The following BBS9 variants were observed in gnomAD, a reference collection of about 807,000 sequenced individuals.
The protein encoded by BBS9 is Bardet-Biedl syndrome 9.
Under a neutral mutation model 117.7 loss-of-function variants are expected in BBS9, and 89 were observed. The observed-to-expected ratio is 0.76, with a 90% CI of 0.64 to 0.90. The LOEUF (loss-of-function observed/expected upper bound fraction) is 0.90. Ranked by LOEUF, BBS9 falls within the 40% of genes least tolerant of loss-of-function variation. The pLI, the probability that BBS9 is intolerant of heterozygous loss-of-function variation, is 0.00. For synonymous variants in BBS9, 379 were observed against 370.9 expected (o/e 1.02, Z -0.25); for missense variants, 982 against 1,042.2 (o/e 0.94, Z 0.80).
chr7:33,589,557 A>G lies in BBS9; in HGVS notation c.2522-15308A>G, dbSNP rs113794637. On this transcript the variant is annotated intron_variant, in intron 21 of 22. Transcript: ENST00000242067. ...ATATTTCAAATGTTGAAACAATAGA[A>G]TTTCCTAACAAAATGGACATGATAT... Among the ~76,000 whole-genome samples, 221 of 152,234 alleles carry G rather than the reference A, an allele frequency of 1.5e-3. 2 individuals are homozygous for G. Among genetic ancestry groups the G allele is most frequent in the African/African-American group, 5.1e-3 (214 of 41,562 alleles).
chr7:33,475,844 C>G (rs1392509933), intron 19 of BBS9, among the ~76,000 whole-genome samples: 1 of 152,132 alleles, frequency 6.6e-6, no homozygotes, highest in Non-Finnish European at 1.5e-5. Context: ...TACTGACAAT[C>G]ACATCATAAT....
intron 9 of BBS9, among the ~76,000 whole-genome samples, chr7:33,319,263 T>A (rs182743836): frequency 9.2e-5 from 14 of 152,286 alleles, no homozygotes; most frequent in Non-Finnish European, 1.5e-4. Context: ...CCATTGTATA[T>A]ATGTACCACA....
chr7:33,540,902 T>A (rs916944653), intron 21 of BBS9, among the ~76,000 whole-genome samples: 2 of 152,222 alleles, frequency 1.3e-5, no homozygotes, highest in Non-Finnish European at 2.9e-5. Context: ...ATGTTTCACC[T>A]TGTCAAAGTG....
At chr7:33,247,573 A>G (rs1795543910) in intron 5 of BBS9, among the ~76,000 whole-genome samples, 2 of 152,146 alleles carry the variant, frequency 1.3e-5, no homozygotes, top group Admixed American at 1.3e-4. Flanking sequence ...TGCAAGACCC[A>G]GTGTTCTGAA....
At chr7:33,505,826 A>G in intron 20 of BBS9, 181 bp downstream of exon 20, 1 of 661,732 alleles carries the variant, frequency 1.5e-6, no homozygotes, top group Non-Finnish European at 2.5e-6. Context: ...CTTTTTCTGT[A>G]GAGCTATTTT....
intron 20 of BBS9, among the ~76,000 whole-genome samples, chr7:33,515,015 G>A (rs1847530343): frequency 6.6e-6 from 1 of 152,058 alleles, no homozygotes; most frequent in Non-Finnish European, 1.5e-5. Context: ...AAGTAATGGT[G>A]CCTGGCATGT....
At chr7:33,583,370 C>T (rs1860329265) in intron 21 of BBS9, among the ~76,000 whole-genome samples, 1 of 152,098 alleles carries the variant, frequency 6.6e-6, no homozygotes, top group African/African-American at 2.4e-5. Context: ...TAGACTAGAT[C>T]TTCCTTTCCT....
intron 16 of BBS9, among the ~76,000 whole-genome samples, chr7:33,365,536 T>C (rs1326298818): frequency 6.6e-6 from 1 of 152,182 alleles, no homozygotes; most frequent in Non-Finnish European, 1.5e-5. Context: ...GATGCTAGGG[T>C]ACTCCCAATC....
chr7:33,447,255 A>G (rs1191478669), intron 19 of BBS9, among the ~76,000 whole-genome samples: 1 of 152,240 alleles, frequency 6.6e-6, no homozygotes, highest in African/African-American at 2.4e-5. Context: ...TGATATCACA[A>G]CAAGAGGCTT....
chr7:33,162,441 T>C (rs1284242283), intron 4 of BBS9, among the ~76,000 whole-genome samples: 1 of 152,230 alleles, frequency 6.6e-6, no homozygotes, highest in Non-Finnish European at 1.5e-5. Flanking sequence ...ATTTTCACTG[T>C]ATGGATTCTT....
intron 21 of BBS9, among the ~76,000 whole-genome samples, chr7:33,535,684 G>A (rs1385337639): frequency 6.6e-6 from 1 of 152,086 alleles, no homozygotes; most frequent in Non-Finnish European, 1.5e-5. Flanking sequence ...TAATGAGATA[G>A]TAAATGAAAA....
downstream of BBS9, among the ~76,000 whole-genome samples, chr7:33,609,322 A>G (rs1304762869): frequency 1.3e-5 from 2 of 152,076 alleles, no homozygotes; most frequent in Admixed American, 1.3e-4. Flanking sequence ...ATATTTAAAT[A>G]TTTTTCGAAT....
At chr7:33,425,226 T>C (rs1372630035) in intron 19 of BBS9, among the ~76,000 whole-genome samples, 1 of 152,242 alleles carries the variant, frequency 6.6e-6, no homozygotes, top group Admixed American at 6.5e-5. Context: ...ATAGATCCCA[T>C]TGTTAGTCTT....
intron 19 of BBS9, among the ~76,000 whole-genome samples, chr7:33,398,080 G>A (rs558874973): frequency 6.6e-6 from 1 of 152,144 alleles, no homozygotes; most frequent in Non-Finnish European, 1.5e-5. Context: ...TCGTACACTT[G>A]AAAATGAGGA....
chr7:33,590,459 G>GTTTTTT (rs71554107), intron 21 of BBS9, among the ~76,000 whole-genome samples: 104 of 101,488 alleles, frequency 1.0e-3, no homozygotes, highest in African/African-American at 3.9e-3. Context: ...TTGTTTTTTT[G>GTTTTTT]TTTTTTTTTT....
chr7:33,446,792 A>G (rs1837064208), intron 19 of BBS9, among the ~76,000 whole-genome samples: 1 of 152,136 alleles, frequency 6.6e-6, no homozygotes, highest in African/African-American at 2.4e-5. Context: ...TTGCTTTTCC[A>G]TTTCCTTTGT....
At chr7:33,265,902 A>G (rs915945631) in intron 7 of BBS9, among the ~76,000 whole-genome samples, 2 of 151,846 alleles carry the variant, frequency 1.3e-5, no homozygotes, top group African/African-American at 2.4e-5. Flanking sequence ...TATGTATTGT[A>G]TATAATAAAT....
intron 4 of BBS9, among the ~76,000 whole-genome samples, chr7:33,176,049 A>G (rs1797287963): frequency 6.6e-6 from 1 of 152,212 alleles, no homozygotes; most frequent in Non-Finnish European, 1.5e-5. Flanking sequence ...CTCCATTGAA[A>G]AGAGCTAAGG....
intron 16 of BBS9, among the ~76,000 whole-genome samples, chr7:33,367,127 C>A (rs1188208289): frequency 6.6e-6 from 1 of 152,096 alleles, no homozygotes. Context: ...ACAGAGAGAA[C>A]CTTTCCTTTA....
Sources: gnomAD v4.1 joint callset for allele counts (sites outside exome capture counted in the v4.1 genomes callset) on GRCh38, gnomAD v4.1.1 for gene constraint, MANE v1.5 for transcripts, NCBI Gene and HGNC (gene_info 2026-07-23, HGNC 2026-07-21) for gene names.